Variants in DAB1 observed in about 807,000 individuals in gnomAD.
DAB1 encodes disabled homolog 1.
In DAB1, 15 loss-of-function variants were observed where a neutral mutation model predicts 64.6. That is an observed-to-expected ratio of 0.23 (90% CI 0.16 to 0.36). DAB1 has a LOEUF of 0.36. Ranked by LOEUF, DAB1 falls within the 10% of genes least tolerant of loss-of-function variation. The probability of loss-of-function intolerance (pLI) is 1.00; values close to 1 mark genes in which losing one functional copy is unlikely to be tolerated. For synonymous variants in DAB1, 235 were observed against 251.9 expected (o/e 0.93, Z 0.64); for missense variants, 596 against 706.7 (o/e 0.84, Z 1.78).
At chr1:58,180,609 A>G (rs1376349191) in intron 4 of DAB1, among the ~76,000 whole-genome samples, 2 of 151,974 alleles carry the variant, frequency 1.3e-5, no homozygotes, top group Non-Finnish European at 2.9e-5. Flanking sequence ...TTATTCTAAT[A>G]TAGGCATTAA....
chr1:57,097,248 A>G (rs923961908), intron 4 of DAB1, among the ~76,000 whole-genome samples: 1 of 152,242 alleles, frequency 6.6e-6, no homozygotes, highest in African/African-American at 2.4e-5. Context: ...GGTTTAATAT[A>G]TTAAGATAGG....
intron 1 of DAB1, among the ~76,000 whole-genome samples, chr1:57,393,992 A>G (rs1682606513): frequency 6.6e-6 from 1 of 152,238 alleles, no homozygotes; most frequent in Admixed American, 6.5e-5. Context: ...ACCTTGATTC[A>G]AAAACTTGCT....
chr1:57,476,914 C>A (rs1013255480), intron 7 of DAB1, among the ~76,000 whole-genome samples: 1 of 152,164 alleles, frequency 6.6e-6, no homozygotes, highest in African/African-American at 2.4e-5. Flanking sequence ...GGCACCTGTG[C>A]AATTTTAGGC....
At chr1:57,917,232 G>A (rs1452332854) in intron 5 of DAB1, among the ~76,000 whole-genome samples, 1 of 152,146 alleles carries the variant, frequency 6.6e-6, no homozygotes, top group Non-Finnish European at 1.5e-5. Flanking sequence ...AGATATAAGG[G>A]CCTAGGGCAT....
chr1:57,220,656 C>T lies in DAB1; in HGVS notation c.67+70308G>A, dbSNP rs185012546. On this transcript the variant is annotated intron_variant, in intron 2 of 14. Transcript: ENST00000371236. ...GCCAACAGACACATGAGAAAATGCT[C>T]ATCATCACTGATCGTCAGAGAAATG... Among the ~76,000 whole-genome samples, 21 of 152,304 alleles carry T rather than the reference C, an allele frequency of 1.4e-4. No homozygotes were observed. The East Asian group carries it at 3.1e-3, about 22-fold the overall frequency.
chr1:58,481,220 A>G (rs866676033), intron 3 of DAB1: 2 of 619,658 alleles, frequency 3.2e-6, no homozygotes, highest in Admixed American at 3.1e-5. Flanking sequence ...ATATACATCA[A>G]TGTATTCAGA....
At chr1:57,567,935 C>G (rs1038412708) in intron 7 of DAB1, among the ~76,000 whole-genome samples, 1 of 152,098 alleles carries the variant, frequency 6.6e-6, no homozygotes, top group Admixed American at 6.6e-5. Flanking sequence ...CTTTAAAGTT[C>G]ATATGGAACC....
intron 14 of DAB1, among the ~76,000 whole-genome samples, chr1:57,009,724 T>G (rs1646205995): frequency 6.6e-6 from 1 of 152,236 alleles, no homozygotes; most frequent in Admixed American, 6.5e-5. Flanking sequence ...AACACGTTTG[T>G]CAAGAAGTGA....
chr1:57,494,231 CAAG>C (rs1200782208), intron 7 of DAB1, among the ~76,000 whole-genome samples: 2 of 151,246 alleles, frequency 1.3e-5, no homozygotes, highest in Non-Finnish European at 2.9e-5. Context: ...AACCTAGAGG[CAAG>C]AAGTGTCAAA....
intron 2 of DAB1, among the ~76,000 whole-genome samples, chr1:57,208,934 G>T (rs931411713): frequency 5.9e-5 from 9 of 152,192 alleles, no homozygotes; most frequent in Non-Finnish European, 1.5e-5. Context: ...AAGGAATTTG[G>T]ACTCTATTGT....
At chr1:58,234,145 T>C (rs905623810) in intron 4 of DAB1, among the ~76,000 whole-genome samples, 3 of 152,238 alleles carry the variant, frequency 2.0e-5, no homozygotes, top group African/African-American at 4.8e-5. Context: ...ATGTCAGATA[T>C]ACCAGGACTT....
At chr1:57,346,025 C>T (rs1465906277) in intron 1 of DAB1, among the ~76,000 whole-genome samples, 1 of 152,130 alleles carries the variant, frequency 6.6e-6, no homozygotes, top group Non-Finnish European at 1.5e-5. Flanking sequence ...ACCCTGAGAT[C>T]GAGAGAAGAA....
At chr1:58,325,318 A>G (rs1208179418) in intron 4 of DAB1, among the ~76,000 whole-genome samples, 2 of 152,168 alleles carry the variant, frequency 1.3e-5, no homozygotes, top group Non-Finnish European at 1.5e-5. Context: ...TTTCTTTGTA[A>G]TTATTTTTTC....
intron 7 of DAB1, among the ~76,000 whole-genome samples, chr1:57,498,492 G>T (rs1644254782): frequency 6.6e-6 from 1 of 152,174 alleles, no homozygotes; most frequent in Non-Finnish European, 1.5e-5. Context: ...AGAGAGGAGG[G>T]TTTTTCACAA....
chr1:58,190,360 C>T (rs1023766806), intron 4 of DAB1, among the ~76,000 whole-genome samples: 5 of 152,164 alleles, frequency 3.3e-5, no homozygotes, highest in African/African-American at 9.7e-5. Context: ...ACCTGTCCCA[C>T]GTGGTGAACC....
chr1:57,355,920 A>ACACACAC (rs56977888), intron 1 of DAB1, among the ~76,000 whole-genome samples: 1 of 149,826 alleles, frequency 6.7e-6, no homozygotes, highest in African/African-American at 2.5e-5. Flanking sequence ...ACACACACAC[A>ACACACAC]AAATGTCCTC....
chr1:58,471,269 CATAGGTAAAAACAAACAAG>C (rs1477474919), intron 3 of DAB1, among the ~76,000 whole-genome samples: 1 of 152,102 alleles, frequency 6.6e-6, no homozygotes, highest in East Asian at 1.9e-4. Flanking sequence ...GGATAAAAGA[CATAGGTAAAAACAAACAAG>C]CAAAACAGAC....
At chr1:58,343,267 GGATGGATGGATGGATGGATA>G (rs1360713634) in intron 4 of DAB1, 6 of 150,164 alleles carry the variant, frequency 4.0e-5, no homozygotes, top group African/African-American at 1.2e-4. Flanking sequence ...ATGGATGGAT[GGATGGATGGATGGATGGATA>G]GATGGATGGA....
rs188854706 is a variant in DAB1, at chr1:57,089,552, G to T, written c.307-17138C>A. Reference sequence around the variant, plus strand: ...AGGCATATCAGATGGCCAGAGCAGGGGCATGAGAGAGTGAGGTGGGGGTGA... The same window carrying T: ...AGGCATATCAGATGGCCAGAGCAGGTGCATGAGAGAGTGAGGTGGGGGTGA... On this transcript the variant is annotated intron_variant, in intron 4 of 14. Coordinates refer to ENST00000371236, the MANE Select transcript of DAB1 (RefSeq NM_001365792.1). Among the ~76,000 whole-genome samples, 61 of 152,038 alleles carry T rather than the reference G, an allele frequency of 4.0e-4. No homozygotes were observed. In the East Asian group the frequency reaches 0.012, roughly 30 times the overall value.
Sources: gnomAD v4.1 joint callset for allele counts (sites outside exome capture counted in the v4.1 genomes callset) on GRCh38, gnomAD v4.1.1 for gene constraint, MANE v1.5 for transcripts, NCBI Gene and HGNC (gene_info 2026-07-23, HGNC 2026-07-21) for gene names.